FXR2: variants seen among roughly 807,000 people sequenced by gnomAD.
The protein encoded by FXR2 is RNA-binding protein FXR2.
FXR2 carries 9 observed loss-of-function variants against 87.3 expected under a neutral mutation model. That is an observed-to-expected ratio of 0.10 (90% CI 0.06 to 0.18). FXR2 has a LOEUF of 0.18. FXR2 is among the 10% of genes least tolerant of loss of function. FXR2 has a pLI of 1.00. For missense variants in FXR2, 661 were observed against 893.6 expected (o/e 0.74, Z 3.32); for synonymous variants, 331 against 328.3 (o/e 1.01, Z -0.09).
In FXR2 at chr17:7,592,249, C is replaced by T. The variant is rs375038272; in HGVS notation, c.1926+5G>A. On this transcript the variant is annotated splice_donor_5th_base_variant and intron_variant, in intron 16 of 16. Transcript: ENST00000250113. This position sits in a 1 kb window ranked among gnomAD's most constrained non-coding sequence, Gnocchi z 4.8. ...GATGGGGTAAAGCACATCTTGCCTGCCTACCTTCTGTCCTGAAAGAGAGTC... is the reference window on the plus strand; with the variant it reads ...GATGGGGTAAAGCACATCTTGCCTGTCTACCTTCTGTCCTGAAAGAGAGTC... The T allele has an allele frequency of 3.1e-6, 5 of 1,603,512 alleles. No individual in the cohort carries two copies. The African/African-American group carries it at 6.7e-5, about 21-fold the overall frequency.
chr17:7,608,441 AAAATAAT>A (rs1185444934), intron 1 of FXR2, among the ~76,000 whole-genome samples: 1 of 149,262 alleles, frequency 6.7e-6, no homozygotes, highest in Non-Finnish European at 1.5e-5. Context: ...AAAAAAAAAA[AAAATAAT>A]AATAATAATA....
rs773164286 is a variant in FXR2 at position 7,592,926 on chromosome 17, G to C, written c.1529-32C>G. The C allele has an allele frequency of 3.2e-6, 5 of 1,547,250 alleles. No homozygotes were observed. The East Asian group carries it at 1.1e-4, about 35-fold the overall frequency. ...AGAGGAAGAAGAGGAGGAGTTGGCA[G>C]TCAGGTGCCCATCATCTTTCCTTTT... On this transcript the variant is annotated intron_variant, in intron 13 of 16. Coordinates refer to ENST00000250113, the MANE Select transcript of FXR2 (RefSeq NM_004860.4). This position sits in a 1 kb window ranked among gnomAD's most constrained non-coding sequence, Gnocchi z 4.8.
intron 1 of FXR2, among the ~76,000 whole-genome samples, chr17:7,609,982 A>ATACATACATGTATATGTATACATGTATG (rs1567753931): frequency 1.7e-4 from 7 of 42,204 alleles, no homozygotes; most frequent in South Asian, 7.8e-4. Context: ...ATGTATACAT[A>ATACATACATGTATATGTATACATGTATG]TATATATACA....
At chr17:7,607,829 C>T (rs1012287562) in intron 1 of FXR2, among the ~76,000 whole-genome samples, 14 of 151,946 alleles carry the variant, frequency 9.2e-5, no homozygotes, top group Non-Finnish European at 1.6e-4. Flanking sequence ...GAGTTTCGCT[C>T]TTGTTGCCCA....
intron 7 of FXR2, 106 bp downstream of exon 7, chr17:7,601,303 A>G (rs2071753871): frequency 1.4e-6 from 1 of 695,974 alleles, no homozygotes; most frequent in African/African-American, 1.8e-5. Flanking sequence ...TTGCCCAGAA[A>G]AAGCCTTAGT....
chr17:7,594,433 T>C lies in FXR2; in HGVS notation c.911-86A>G. ...TGATACACCGTCTTCCAGCCTCATT[T>C]TCTTTATATGGATTCCATTTACTTC... On this transcript the variant is annotated intron_variant, in intron 9 of 16. Transcript: ENST00000250113. This position sits in a 1 kb window ranked among gnomAD's most constrained non-coding sequence, Gnocchi z 5.1. The C allele has an allele frequency of 1.2e-6, 1 of 826,082 alleles. No homozygotes were observed. Among genetic ancestry groups the C allele is most frequent in the South Asian group, 1.6e-5 (1 of 63,672 alleles). The allele number at this position is 826,082 out of a possible 1,614,324, so 51.2% of individuals were successfully genotyped here. A position where few individuals can be genotyped will look rare whatever the true frequency, so the allele number is the denominator to read the frequency against.
At chr17:7,604,182 A>C in intron 3 of FXR2, 102 bp from the exon 4 acceptor site, 11 of 882,772 alleles carry the variant, frequency 1.2e-5, no homozygotes, top group Non-Finnish European at 1.8e-5. Flanking sequence ...CTGTAATCTC[A>C]GCGCTTTGGG....
rs758006432 is a variant in FXR2, at chr17:7,592,418, T to G, written c.1826-64A>C. On this transcript the variant is annotated intron_variant, in intron 15 of 16. Coordinates refer to ENST00000250113, the MANE Select transcript of FXR2 (RefSeq NM_004860.4). This position sits in a 1 kb window ranked among gnomAD's most constrained non-coding sequence, Gnocchi z 4.8. ...CTGGTAGCCAGCCTAAGACACCCAC[T>G]GAACCCGAACCCCTGATTTTCACAG... 1 of 1,544,178 alleles carries G rather than the reference T, an allele frequency of 6.5e-7. No individual in the cohort carries two copies. Among genetic ancestry groups the G allele is most frequent in the Admixed American group, 1.7e-5 (1 of 59,912 alleles).
chr17:7,611,225 A>T (rs1210080747), intron 1 of FXR2, among the ~76,000 whole-genome samples: 1 of 152,156 alleles, frequency 6.6e-6, no homozygotes, highest in African/African-American at 2.4e-5. Context: ...TTTCAAGCTC[A>T]CGGTGAGGTA....
chr17:7,596,811 G>C (rs1459951486), intron 7 of FXR2, among the ~76,000 whole-genome samples: 8 of 152,122 alleles, frequency 5.3e-5, no homozygotes, highest in Admixed American at 5.2e-4. Context: ...TAAGTAAAAA[G>C]TGAGGGGTAG....
At chr17:7,604,974 C>T (rs972306360) in intron 3 of FXR2, among the ~76,000 whole-genome samples, 3 of 151,842 alleles carry the variant, frequency 2.0e-5, no homozygotes, top group African/African-American at 4.8e-5. Context: ...CTGCCCCACT[C>T]GACCTCTCAA....
intron 6 of FXR2, among the ~76,000 whole-genome samples, chr17:7,602,427 G>C (rs1293347193): frequency 6.6e-6 from 1 of 152,132 alleles, no homozygotes; most frequent in Non-Finnish European, 1.5e-5. Context: ...AATTAGCCAG[G>C]CGCAATGGCA....
chr17:7,591,920 G>C lies in FXR2; in HGVS notation c.1932C>G (p.Asp644Glu). The change falls in exon 17 of 17, where the codon GAC (aspartate) becomes GAG (glutamate). Residue 644 changes from aspartate (D) to glutamate (E), a missense_variant. Around this residue, in one of 3 missense-constraint regions of FXR2, gnomAD observed 409 missense variants for 432.0 expected, o/e 0.95. Coordinates refer to ENST00000250113, the MANE Select transcript of FXR2 (RefSeq NM_004860.4). This position sits in a 1 kb window ranked among gnomAD's most constrained non-coding sequence, Gnocchi z 4.0. ...SEDSLSGQKG[D>E]SVSKLPKGPS... ...GGCCCTTAGGAAGCTTGCTGACAGA[G>C]TCACCCTGAGGGGAAAGTGGGAAAG... is the stretch of plus-strand genomic sequence containing the variant. 6.3e-7 allele frequency: 1 copy of C among 1,576,650 alleles called. No individual in the cohort carries two copies. The highest frequency in any genetic ancestry group is 1.1e-5 in the South Asian group (1 of 90,260).
chr17:7,593,860 C>G lies in FXR2; in HGVS notation c.1107+58G>C, dbSNP rs1247279714. ...AGAACCAAAATCCCTGAGCTGACCC[C>G]CACAGCAGTCTTAGTTCCCTTTTCA... On this transcript the variant is annotated intron_variant, in intron 11 of 16. Transcript: ENST00000250113. The surrounding 1 kb of genome is among the most constrained non-coding windows in gnomAD (Gnocchi z 6.1). The G allele has an allele frequency of 2.7e-6, 3 of 1,102,856 alleles. No homozygotes were observed. The highest frequency in any genetic ancestry group is 3.4e-5 in the Admixed American group (2 of 58,934). The allele number at this position is 1,102,856 out of a possible 1,614,324, so 68.3% of individuals were successfully genotyped here. A position where few individuals can be genotyped will look rare whatever the true frequency, so the allele number is the denominator to read the frequency against.
In FXR2 at chr17:7,602,972, G is replaced by T; in HGVS notation, c.480C>A (p.Phe160Leu). 2 of 1,591,636 alleles carry T rather than the reference G, an allele frequency of 1.3e-6. No homozygotes were observed. The highest frequency in any genetic ancestry group is 1.7e-6 in the Non-Finnish European group (2 of 1,161,082). The change falls in exon 6 of 17, where the codon TTC (phenylalanine) becomes TTA (leucine). Residue 160 changes from phenylalanine to leucine, a missense_variant. Physicochemically the swap from Phe to Leu is conservative, Grantham distance 22. Around this residue, in one of 3 missense-constraint regions of FXR2, gnomAD observed 170 missense variants for 247.2 expected, o/e 0.69. Transcript: ENST00000250113. ...ACSNENVHKEFKKALGANCIF... is the reference protein window; with the variant it reads ...ACSNENVHKELKKALGANCIF... Reference sequence around the variant, plus strand: ...TGCAGTTGGCTCCCAGGGCTTTCTTGAACTCTTTATGGACGTTTTCATTGG... The same window carrying T: ...TGCAGTTGGCTCCCAGGGCTTTCTTTAACTCTTTATGGACGTTTTCATTGG...
chr17:7,597,727 G>T (rs1036986604), intron 7 of FXR2, among the ~76,000 whole-genome samples: 5 of 152,060 alleles, frequency 3.3e-5, no homozygotes, highest in Middle Eastern at 3.4e-3. Context: ...GTTTTTAGAG[G>T]CTTCACTACT....
chr17:7,603,633 G>T, intron 5 of FXR2, 124 bp downstream of exon 5: 3 of 788,704 alleles, frequency 3.8e-6, no homozygotes, highest in Non-Finnish European at 6.2e-6. Context: ...AGCAAGAAGG[G>T]CTCTAGTAGA....
intron 7 of FXR2, among the ~76,000 whole-genome samples, chr17:7,597,763 C>G (rs1261644877): frequency 1.3e-5 from 2 of 151,724 alleles, no homozygotes; most frequent in African/African-American, 4.8e-5. Context: ...AATCACTGAT[C>G]CTCAGTGATT....
At chr17:7,612,352 T>G (rs1336372731) in intron 1 of FXR2, among the ~76,000 whole-genome samples, 1 of 151,910 alleles carries the variant, frequency 6.6e-6, no homozygotes, top group Non-Finnish European at 1.5e-5. Context: ...TAATGCAAGT[T>G]TGGGGAAAAG....
Sources: gnomAD v4.1 joint callset for allele counts (sites outside exome capture counted in the v4.1 genomes callset) on GRCh38, gnomAD v4.1.1 for gene constraint, gnomAD v4.1.1 regional missense constraint, Gnocchi (gnomAD v3.1) non-coding constraint, MANE v1.5 for transcripts, NCBI Gene and HGNC (gene_info 2026-07-23, HGNC 2026-07-21) for gene names.